ABCC4: variants seen among roughly 807,000 people sequenced by gnomAD.
ABCC4 encodes ATP-binding cassette sub-family C member 4.
A neutral mutation model predicts 168.5 loss-of-function variants in ABCC4; 102 were observed. That is an observed-to-expected ratio of 0.61 (90% CI 0.52 to 0.71). The LOEUF (loss-of-function observed/expected upper bound fraction) is 0.71. Ranked by LOEUF, ABCC4 falls within the 30% of genes least tolerant of loss-of-function variation. The probability of loss-of-function intolerance (pLI) is 0.00; values close to 1 mark genes in which losing one functional copy is unlikely to be tolerated. For synonymous variants in ABCC4, 617 were observed against 590.7 expected, an observed-to-expected ratio of 1.04 and a Z score of -0.65; for missense variants, 1,402 against 1,605.8, an observed-to-expected ratio of 0.87 and a Z score of 2.17.
chr13:95,293,903 C>A (rs1443649140), intron 1 of ABCC4, among the ~76,000 whole-genome samples: 1 of 151,880 alleles, frequency 6.6e-6, no homozygotes, highest in Non-Finnish European at 1.5e-5. Context: ...GCTCGGTCTC[C>A]CAAGTAGCTG....
At chr13:95,141,269 A>G (rs575328609) in intron 19 of ABCC4, among the ~76,000 whole-genome samples, 11 of 152,350 alleles carry the variant, frequency 7.2e-5, no homozygotes, top group African/African-American at 2.6e-4. Context: ...ATCAAATGTC[A>G]TGAGATGTAA....
At chr13:95,178,696 G>A (rs1381772232) in intron 11 of ABCC4, among the ~76,000 whole-genome samples, 20 of 152,152 alleles carry the variant, frequency 1.3e-4, no homozygotes, top group Admixed American at 1.2e-3. Context: ...ACGGAACTGC[G>A]AGCACAGGAT....
At chr13:95,114,837 G>A (rs969797407) in intron 20 of ABCC4, among the ~76,000 whole-genome samples, 2 of 152,150 alleles carry the variant, frequency 1.3e-5, no homozygotes, top group African/African-American at 2.4e-5. Flanking sequence ...GAGATCTAAA[G>A]CATCTGAGCA....
chr13:95,097,243 G>A (rs1032496941), intron 20 of ABCC4, among the ~76,000 whole-genome samples: 3 of 152,034 alleles, frequency 2.0e-5, no homozygotes, highest in Non-Finnish European at 4.4e-5. Context: ...TCTATTCACT[G>A]CAAAGAAGGA....
At chr13:95,265,174 T>A (rs2040636376) in intron 1 of ABCC4, among the ~76,000 whole-genome samples, 1 of 152,026 alleles carries the variant, frequency 6.6e-6, no homozygotes, top group Admixed American at 6.6e-5. Flanking sequence ...CAGACTACAA[T>A]CCACTTTCAA....
rs2139184880 is a variant in ABCC4 at position 95,020,247 on chromosome 13, A to C, written c.*1328T>G. ...GCAAAAAACTTGCTATACGAAGGAC[A>C]AATATATGTATACAAACAAATGCAC... On this transcript the variant is annotated 3_prime_UTR_variant, in exon 31 of 31. Coordinates refer to ENST00000645237, the MANE Select transcript of ABCC4 (RefSeq NM_005845.5). 6.6e-6 allele frequency: 1 copy of C among 152,358 alleles called. No individual in the cohort carries two copies. The highest frequency in any genetic ancestry group is 1.9e-4 in the East Asian group (1 of 5,186). The allele number at this position is 152,358 out of a possible 1,614,324, so 9.4% of individuals were successfully genotyped here.
intron 21 of ABCC4, among the ~76,000 whole-genome samples, chr13:95,078,613 C>T (rs1729755): frequency 0.85 from 128,517 of 152,070 alleles, 56,004 homozygotes; most frequent in Non-Finnish European, 0.95. Flanking sequence ...TCTGCACGCC[C>T]CAGATGTTCT....
intron 26 of ABCC4, among the ~76,000 whole-genome samples, chr13:95,058,648 C>G (rs2033168485): frequency 6.8e-6 from 1 of 148,044 alleles, no homozygotes; most frequent in Non-Finnish European, 1.5e-5. Flanking sequence ...GATGAGATAT[C>G]ATGCTGTCCA....
chr13:95,269,433 AAAT>A (rs1566586267), intron 1 of ABCC4: 1 of 180,618 alleles, frequency 5.5e-6, no homozygotes, highest in Non-Finnish European at 1.1e-5. Flanking sequence ...CTCAAAAAAA[AAAT>A]ATATATATAT....
At chr13:95,138,492 AC>A (rs1023516964) in intron 19 of ABCC4, among the ~76,000 whole-genome samples, 5 of 152,204 alleles carry the variant, frequency 3.3e-5, no homozygotes, top group Admixed American at 3.3e-4. Context: ...TCAGATAGTT[AC>A]AAAATTTGTG....
chr13:95,296,173 CACACACACACAA>C (rs561548236), intron 1 of ABCC4, among the ~76,000 whole-genome samples: 19,144 of 116,920 alleles, frequency 0.16, 1,814 homozygotes, highest in East Asian at 0.3. Flanking sequence ...CACACACACA[CACACACACACAA>C]AAACACAAAA....
At chr13:95,061,187 T>G (rs1160160497) in intron 26 of ABCC4, among the ~76,000 whole-genome samples, 2 of 152,232 alleles carry the variant, frequency 1.3e-5, no homozygotes, top group Non-Finnish European at 2.9e-5. Flanking sequence ...GGTACTGTGA[T>G]GATCATGGAT....
intron 19 of ABCC4, among the ~76,000 whole-genome samples, chr13:95,126,846 A>AT (rs2035797230): frequency 6.8e-6 from 1 of 146,568 alleles, no homozygotes; most frequent in African/African-American, 2.5e-5. Flanking sequence ...TAAGTACACC[A>AT]AATATATATA....
rs1374984638 is a variant in ABCC4, at chr13:95,177,975, T to C, written c.1640+22A>G. Reference sequence around the variant, plus strand: ...AAGGTATCAAAAGACACCGGCATAGTGGCTGCTGAAATGCAACTTACCTTG... The same window carrying C: ...AAGGTATCAAAAGACACCGGCATAGCGGCTGCTGAAATGCAACTTACCTTG... On this transcript the variant is annotated intron_variant, in intron 12 of 30. Transcript: ENST00000645237. 3.1e-6 allele frequency: 5 copies of C among 1,612,546 alleles called. No homozygotes were observed. In the African/African-American group the frequency reaches 6.7e-5, roughly 22 times the overall value.
intron 3 of ABCC4, among the ~76,000 whole-genome samples, chr13:95,236,915 A>G (rs944526723): frequency 3.3e-5 from 5 of 152,162 alleles, no homozygotes; most frequent in Admixed American, 1.3e-4. Flanking sequence ...AACTGTACAC[A>G]TGGGCAGCCC....
chr13:95,200,294 G>A (rs1373413348), intron 8 of ABCC4, among the ~76,000 whole-genome samples: 1 of 152,148 alleles, frequency 6.6e-6, no homozygotes, highest in Non-Finnish European at 1.5e-5. Context: ...CCTCTCAAAT[G>A]ATTTTAGTCT....
In ABCC4 at chr13:95,240,080, C is replaced by T. The variant is rs564377417; in HGVS notation, c.307-5246G>A. Reference sequence around the variant, plus strand: ...AGGGGGGAAAATAAAACCTGAATCACATCAAGCTTCTAGATCTAACTACTA... The same window carrying T: ...AGGGGGGAAAATAAAACCTGAATCATATCAAGCTTCTAGATCTAACTACTA... On this transcript the variant is annotated intron_variant, in intron 3 of 30. Coordinates refer to ENST00000645237, the MANE Select transcript of ABCC4 (RefSeq NM_005845.5). 2.7e-4 allele frequency among the ~76,000 whole-genome samples: 41 copies of T among 152,232 alleles called. 1 individual carries two copies. The South Asian group carries it at 7.7e-3, about 28-fold the overall frequency.
intron 13 of ABCC4, among the ~76,000 whole-genome samples, chr13:95,174,977 A>G (rs2037617686): frequency 6.6e-6 from 1 of 152,242 alleles, no homozygotes; most frequent in African/African-American, 2.4e-5. Context: ...TTAATTGTAT[A>G]GCTTGGTCGC....
chr13:95,102,634 C>G (rs376775202), intron 20 of ABCC4, among the ~76,000 whole-genome samples: 119 of 143,786 alleles, frequency 8.3e-4, no homozygotes, highest in African/African-American at 2.9e-3. Flanking sequence ...CTAGTCACAC[C>G]TTTTTTTTTT....
Sources: gnomAD v4.1 joint callset for allele counts (sites outside exome capture counted in the v4.1 genomes callset) on GRCh38, gnomAD v4.1.1 for gene constraint, MANE v1.5 for transcripts, NCBI Gene and HGNC (gene_info 2026-07-23, HGNC 2026-07-21) for gene names.